The following KLHL18 variants were observed in gnomAD, a reference collection of about 807,000 sequenced individuals.
KLHL18 encodes kelch-like protein 18.
A neutral mutation model predicts 58.5 loss-of-function variants in KLHL18; 38 were observed. That is an observed-to-expected ratio of 0.65 (90% CI 0.50 to 0.85). KLHL18 has a LOEUF of 0.85. Among genes scored for constraint, KLHL18 ranks in the 40% least tolerant of loss-of-function variants. The pLI is 0.00. For synonymous variants in KLHL18, 303 were observed against 301.9 expected (o/e 1.00, Z -0.04); for missense variants, 624 against 778.4 (o/e 0.80, Z 2.36).
chr3:47,333,988 A>G (rs1197713898), intron 5 of KLHL18, among the ~76,000 whole-genome samples: 1 of 152,240 alleles, frequency 6.6e-6, no homozygotes, highest in African/African-American at 2.4e-5. Flanking sequence ...TTTGCTGATA[A>G]AAACTTTACA....
At chr3:47,342,505 G>C (rs1258361105) in intron 8 of KLHL18, among the ~76,000 whole-genome samples, 1 of 152,206 alleles carries the variant, frequency 6.6e-6, no homozygotes, top group Admixed American at 6.5e-5. Context: ...CAATGATTTT[G>C]AGCAGCCATG....
chr3:47,301,789 T>G (rs1703031225), intron 1 of KLHL18, among the ~76,000 whole-genome samples: 1 of 152,190 alleles, frequency 6.6e-6, no homozygotes, highest in African/African-American at 2.4e-5. Context: ...AACTTTGTTT[T>G]GTTTTGTTTC....
At chr3:47,331,578 G>A (rs1291615822) in intron 4 of KLHL18, among the ~76,000 whole-genome samples, 5 of 151,270 alleles carry the variant, frequency 3.3e-5, no homozygotes, top group Non-Finnish European at 5.9e-5. Context: ...GATTACAGGT[G>A]TGCGCCATCA....
intron 3 of KLHL18, among the ~76,000 whole-genome samples, chr3:47,326,030 C>A (rs1703711376): frequency 6.6e-6 from 1 of 152,160 alleles, no homozygotes; most frequent in African/African-American, 2.4e-5. Flanking sequence ...TCACTGCAAC[C>A]ACCACCTCCC....
At chr3:47,336,397 G>A (rs755661956) in intron 6 of KLHL18, 138 bp from the exon 7 acceptor site, 8 of 717,426 alleles carry the variant, frequency 1.1e-5, no homozygotes, top group Non-Finnish European at 1.9e-5. Flanking sequence ...ATTTCTTAGT[G>A]GGCCCTTGTG....
chr3:47,322,636 C>A lies in KLHL18; in HGVS notation c.329C>A (p.Ser110Ter). 1 of 1,604,498 alleles carries A rather than the reference C, an allele frequency of 6.2e-7. No homozygotes were observed. The highest frequency in any genetic ancestry group is 1.1e-5 in the South Asian group (1 of 88,868). ...NLAIDQQNVQ[S>*]LLMGASFLQL... ...GCCATTGACCAGCAAAATGTCCAGT[C>A]ATTGCTGATGGGGGCGAGCTTCCTG... is the stretch of plus-strand genomic sequence containing the variant. Residue 110 changes from serine (S) to a stop codon, truncating the protein, a stop_gained, in exon 3 of 10, where the codon TCA (serine) becomes TAA (stop). Coordinates refer to ENST00000232766, the MANE Select transcript of KLHL18 (RefSeq NM_025010.5). LOFTEE classifies it high-confidence loss of function.
intron 9 of KLHL18, 130 bp downstream of exon 9, chr3:47,342,960 C>G: frequency 1.5e-6 from 1 of 672,298 alleles, no homozygotes; most frequent in Non-Finnish European, 2.6e-6. Context: ...AGGTTTCAGG[C>G]TATCCACTGC....
intron 1 of KLHL18, among the ~76,000 whole-genome samples, chr3:47,291,459 A>G (rs560585577): frequency 7.2e-5 from 11 of 152,320 alleles, no homozygotes; most frequent in Non-Finnish European, 1.0e-4. Context: ...GTTAACAAGC[A>G]TTTTCTGTAA....
chr3:47,316,683 G>GTATA (rs1703450883), intron 1 of KLHL18, among the ~76,000 whole-genome samples: 5 of 1,562 alleles, frequency 3.2e-3, no homozygotes, highest in South Asian at 0.036. Context: ...ATATGTATAT[G>GTATA]TGTGTGTATA....
chr3:47,331,271 T>C (rs1189464941), intron 4 of KLHL18, among the ~76,000 whole-genome samples: 1 of 151,228 alleles, frequency 6.6e-6, no homozygotes, highest in Non-Finnish European at 1.5e-5. Flanking sequence ...GGATTACAGG[T>C]GCCCGCTACC....
chr3:47,322,509 C>A (rs1460508512), intron 2 of KLHL18, 59 bp from the exon 3 acceptor site: 2 of 1,486,408 alleles, frequency 1.3e-6, no homozygotes, highest in South Asian at 1.4e-5. Context: ...GGGCCTGAGT[C>A]TCCCGTGGGC....
intron 3 of KLHL18, 41 bp downstream of exon 3, chr3:47,322,749 TC>T (rs755476398): frequency 3.0e-5 from 45 of 1,479,000 alleles, no homozygotes; most frequent in Non-Finnish European, 4.0e-5. Flanking sequence ...CATGACTATT[TC>T]ATTTCTGGAA....
chr3:47,328,207 A>C (rs1703769605), intron 3 of KLHL18, among the ~76,000 whole-genome samples: 1 of 135,588 alleles, frequency 7.4e-6, no homozygotes, highest in Non-Finnish European at 1.6e-5. Context: ...TCTACCAAAA[A>C]ACACTTTTTT....
chr3:47,311,353 C>G (rs1418206252), intron 1 of KLHL18, among the ~76,000 whole-genome samples: 1 of 152,146 alleles, frequency 6.6e-6, no homozygotes, highest in African/African-American at 2.4e-5. Flanking sequence ...ATGGAAGCCA[C>G]TGATCTCAAA....
intron 4 of KLHL18, among the ~76,000 whole-genome samples, chr3:47,330,660 G>A (rs1703835890): frequency 6.6e-6 from 1 of 152,136 alleles, no homozygotes; most frequent in African/African-American, 2.4e-5. Context: ...ATTCTTGCAT[G>A]TTTGGGTTAT....
chr3:47,311,894 A>G (rs1703310608), intron 1 of KLHL18, among the ~76,000 whole-genome samples: 1 of 152,174 alleles, frequency 6.6e-6, no homozygotes, highest in African/African-American at 2.4e-5. Flanking sequence ...GGAGTACTGC[A>G]TTTTCAGTCT....
intron 1 of KLHL18, among the ~76,000 whole-genome samples, chr3:47,309,143 A>G (rs1481817719): frequency 6.6e-6 from 1 of 152,264 alleles, no homozygotes; most frequent in Non-Finnish European, 1.5e-5. Context: ...AGTACAGAAC[A>G]AAATGGAGTC....
intron 2 of KLHL18, among the ~76,000 whole-genome samples, chr3:47,320,727 G>A (rs1017291677): frequency 1.3e-5 from 2 of 152,198 alleles, no homozygotes; most frequent in East Asian, 3.9e-4. Flanking sequence ...AGACCAGCCT[G>A]GACAACATAA....
intron 1 of KLHL18, among the ~76,000 whole-genome samples, chr3:47,300,287 TTATATA>T (rs1207306389): frequency 4.5e-5 from 6 of 133,136 alleles, no homozygotes; most frequent in Non-Finnish European, 6.4e-5. Flanking sequence ...CACCGGCATT[TTATATA>T]TATATATATA....
Sources: allele counts gnomAD v4.1 joint callset (sites outside exome capture counted in the v4.1 genomes callset), GRCh38; gene constraint gnomAD v4.1.1; transcripts MANE v1.5; gene names NCBI Gene and HGNC (gene_info 2026-07-23, HGNC 2026-07-21).